RANBP2: variants seen among roughly 807,000 people sequenced by gnomAD.
The protein encoded by RANBP2 is RAN binding protein 2, also known as E3 SUMO-protein ligase RanBP2.
A neutral mutation model predicts 303.6 loss-of-function variants in RANBP2; 57 were observed. The observed-to-expected ratio is 0.19, with a 90% CI of 0.15 to 0.23. The LOEUF is 0.23. Among genes scored for constraint, RANBP2 ranks in the 10% least tolerant of loss-of-function variants. The pLI, the probability that RANBP2 is intolerant of heterozygous loss-of-function variation, is 1.00. For synonymous variants in RANBP2, 1,167 were observed against 1,301.5 expected, an observed-to-expected ratio of 0.90 and a Z score of 2.23; for missense variants, 3,138 against 3,780.8, an observed-to-expected ratio of 0.83 and a Z score of 4.46.
At chr2:108,730,582 ACT>A (rs1695087288) in intron 2 of RANBP2, among the ~76,000 whole-genome samples, 190 bp from the exon 3 acceptor site, 1 of 152,036 alleles carries the variant, frequency 6.6e-6, no homozygotes, top group South Asian at 2.1e-4. Flanking sequence ...TATGTGGTCA[ACT>A]CTATGTACGT....
chr2:109,056,082 G>T, the RANBP2 span, among the ~76,000 whole-genome samples: 1 of 151,920 alleles, frequency 6.6e-6, no homozygotes, highest in Non-Finnish European at 1.5e-5. Context: ...TATCTGTTAT[G>T]ATTATTTTGC....
chr2:109,643,323 A>G, the RANBP2 span, among the ~76,000 whole-genome samples: 2 of 152,204 alleles, frequency 1.3e-5, no homozygotes, highest in Non-Finnish European at 2.9e-5. Flanking sequence ...CTCCATCTTG[A>G]ATAGGGGTTG....
the RANBP2 span, among the ~76,000 whole-genome samples, chr2:108,870,988 AGAAT>A: frequency 1.3e-5 from 2 of 152,202 alleles, no homozygotes; most frequent in African/African-American, 4.8e-5. Flanking sequence ...ACCAATTTAA[AGAAT>A]GAATATAAAT....
chr2:109,016,412 C>T, the RANBP2 span, among the ~76,000 whole-genome samples: 2 of 152,124 alleles, frequency 1.3e-5, no homozygotes, highest in African/African-American at 2.4e-5. Context: ...TGTTACCAAC[C>T]TTCCCCCTTT....
At chr2:109,767,237 C>T in the RANBP2 span, among the ~76,000 whole-genome samples, 1 of 147,246 alleles carries the variant, frequency 6.8e-6, no homozygotes, top group Non-Finnish European at 1.5e-5. Flanking sequence ...CGCATAAGGT[C>T]AGATTCAGCA....
At chr2:109,123,379 TCTCC>T in the RANBP2 span, among the ~76,000 whole-genome samples, 9 of 125,552 alleles carry the variant, frequency 7.2e-5, no homozygotes, top group African/African-American at 2.4e-4. Context: ...TCCATCCTTC[TCTCC>T]CTCCCTCCCT....
the RANBP2 span, among the ~76,000 whole-genome samples, chr2:109,709,409 C>T: frequency 6.6e-6 from 1 of 152,092 alleles, no homozygotes; most frequent in African/African-American, 2.4e-5. Flanking sequence ...GCTTTGCTGC[C>T]TGCTCCTGGG....
intron 6 of RANBP2, 104 bp from the exon 7 acceptor site, chr2:108,740,385 A>C: frequency 1.3e-6 from 2 of 1,530,950 alleles, no homozygotes; most frequent in Non-Finnish European, 1.8e-6. Flanking sequence ...AATGTGGAAG[A>C]TGAAGCTTGA....
At chr2:109,416,269 G>A in the RANBP2 span, among the ~76,000 whole-genome samples, 1 of 152,022 alleles carries the variant, frequency 6.6e-6, no homozygotes, top group Non-Finnish European at 1.5e-5. Context: ...GCCTGTGCAC[G>A]CTGAACTTCC....
At chr2:109,090,214 C>T in the RANBP2 span, among the ~76,000 whole-genome samples, 1 of 151,850 alleles carries the variant, frequency 6.6e-6, no homozygotes, top group African/African-American at 2.4e-5. Context: ...GCCAATGGTA[C>T]TCTGTCCTTA....
chr2:109,498,970 C>T, the RANBP2 span, among the ~76,000 whole-genome samples: 9 of 152,228 alleles, frequency 5.9e-5, no homozygotes, highest in South Asian at 2.1e-4. Flanking sequence ...GTGGGAAGGG[C>T]GCAGTGTGGA....
At chr2:109,048,486 T>C in the RANBP2 span, among the ~76,000 whole-genome samples, 1 of 152,174 alleles carries the variant, frequency 6.6e-6, no homozygotes, top group Non-Finnish European at 1.5e-5. Context: ...CCATGCAACC[T>C]ATTGACCTTT....
chr2:109,347,877 C>G, the RANBP2 span: 1 of 1,613,034 alleles, frequency 6.2e-7, no homozygotes, highest in Non-Finnish European at 8.5e-7. Context: ...ACGCCCCGCC[C>G]CAGGGAAAAG....
chr2:109,131,215 G>T, the RANBP2 span, among the ~76,000 whole-genome samples: 1 of 152,106 alleles, frequency 6.6e-6, no homozygotes, highest in Non-Finnish European at 1.5e-5. Flanking sequence ...CTTGGATGTT[G>T]AGCTTGAGTT....
chr2:109,096,467 G>A, the RANBP2 span, among the ~76,000 whole-genome samples: 2 of 152,104 alleles, frequency 1.3e-5, no homozygotes, highest in Non-Finnish European at 2.9e-5. Context: ...AAATGTTTTT[G>A]TCATCCACAG....
At chr2:108,847,621 T>G in the RANBP2 span, among the ~76,000 whole-genome samples, 1 of 152,218 alleles carries the variant, frequency 6.6e-6, no homozygotes, top group Non-Finnish European at 1.5e-5. Flanking sequence ...CAGGTTATAT[T>G]ATTAAATGTG....
chr2:109,293,122 A>G, the RANBP2 span, among the ~76,000 whole-genome samples: 1 of 152,226 alleles, frequency 6.6e-6, no homozygotes, highest in Non-Finnish European at 1.5e-5. Flanking sequence ...TGCAGGGGAC[A>G]CACTAGAAGG....
the RANBP2 span, chr2:109,615,435 G>C: frequency 6.2e-7 from 1 of 1,613,150 alleles, no homozygotes; most frequent in Admixed American, 1.7e-5. Flanking sequence ...CGGCAGGCAG[G>C]AGCTTCTGGC....
At chr2:109,132,203 T>A in the RANBP2 span, among the ~76,000 whole-genome samples, 4 of 152,220 alleles carry the variant, frequency 2.6e-5, no homozygotes, top group Non-Finnish European at 5.9e-5. Flanking sequence ...GTCCCATCAT[T>A]TTCCAATTAG....
Sources: gnomAD v4.1 joint callset for allele counts (sites outside exome capture counted in the v4.1 genomes callset) on GRCh38, gnomAD v4.1.1 for gene constraint, MANE v1.5 for transcripts, NCBI Gene and HGNC (gene_info 2026-07-23, HGNC 2026-07-21) for gene names.